Variants in SOX6 observed in about 807,000 individuals in gnomAD.
SOX6 encodes the protein SRY-box transcription factor 6, also known as transcription factor SOX-6.
SOX6 carries 11 observed loss-of-function variants against 97.8 expected under a neutral mutation model. That is an observed-to-expected ratio of 0.11 (90% CI 0.07 to 0.19). The LOEUF (loss-of-function observed/expected upper bound fraction) is 0.19, where lower values mean the gene tolerates loss of function less well. Ranked by LOEUF, SOX6 falls within the 10% of genes least tolerant of loss-of-function variation. SOX6 has a pLI of 1.00. For synonymous variants in SOX6, 360 were observed against 371.4 expected, an observed-to-expected ratio of 0.97 and a Z score of 0.35; for missense variants, 810 against 1,039.5, an observed-to-expected ratio of 0.78 and a Z score of 3.04.
In SOX6 at chr11:16,389,969, T is replaced by TAAAAAAAAAAAAAAAAAAAAAAAAAAA. The variant is rs536056301; in HGVS notation, c.-4-48744_-4-48718dup. 7.6e-4 allele frequency among the ~76,000 whole-genome samples: 32 copies of TAAAAAAAAAAAAAAAAAAAAAAAAAAA among 41,846 alleles called. 2 individuals carry two copies. Among genetic ancestry groups the TAAAAAAAAAAAAAAAAAAAAAAAAAAA allele is most frequent in the Non-Finnish European group, 1.0e-3 (25 of 24,248 alleles). The allele number at this position is 41,846 out of a possible 152,430, so 27.5% of individuals were successfully genotyped here. ...TGGGCGACAGGGCAAGACTCCGTCT[T>TAAAAAAAAAAAAAAAAAAAAAAAAAAA]AAAAAAAAAAAAAAAAAAAAAAAAA... is the stretch of plus-strand genomic sequence containing the variant. On this transcript the variant is annotated intron_variant, in intron 1 of 15. Transcript: ENST00000396356.
chr11:16,320,928 A>G (rs1454182479), intron 2 of SOX6, among the ~76,000 whole-genome samples: 1 of 152,156 alleles, frequency 6.6e-6, no homozygotes, highest in African/African-American at 2.4e-5. Flanking sequence ...GGCAGGAAAG[A>G]GAGCTCTTCT....
chr11:16,679,530 A>G (rs12280797), intron 3 of SOX6, among the ~76,000 whole-genome samples: 1,742 of 152,328 alleles, frequency 0.011, 26 homozygotes, highest in African/African-American at 0.04. Flanking sequence ...AGAAAAGCTG[A>G]AAATTCCAAA....
chr11:16,368,596 T>A (rs978448938), intron 1 of SOX6, among the ~76,000 whole-genome samples: 4 of 152,188 alleles, frequency 2.6e-5, no homozygotes, highest in African/African-American at 9.6e-5. Flanking sequence ...TTATGCTTAT[T>A]TTTAAAATTA....
At chr11:16,376,571 G>A (rs1239584300) in intron 1 of SOX6, among the ~76,000 whole-genome samples, 1 of 152,100 alleles carries the variant, frequency 6.6e-6, no homozygotes, top group African/African-American at 2.4e-5. Context: ...ATGGGTACCA[G>A]GAATACAGGA....
Position 16,303,226 on chromosome 11 carries a change from ATC to A in SOX6, c.445+15218_445+15219del, listed in dbSNP as rs1461631828. Among the ~76,000 whole-genome samples the A allele has an allele frequency of 4.6e-5, 7 of 152,288 alleles. 1 individual carries two copies. The highest frequency in any genetic ancestry group is 1.4e-4 in the African/African-American group (6 of 41,582). ...TCTCCTTTTAATCATAATATTATTT[ATC>A]TCTCTGAAAACTTTTATAATAAATC... On this transcript the variant is annotated intron_variant, in intron 3 of 15. Transcript: ENST00000683767.
At chr11:16,199,298 C>G (rs1427134418) in intron 4 of SOX6, among the ~76,000 whole-genome samples, 1 of 152,128 alleles carries the variant, frequency 6.6e-6, no homozygotes, top group Non-Finnish European at 1.5e-5. Context: ...AAAAAACATT[C>G]AATAAACACT....
At chr11:16,514,762 G>T (rs954309238) in intron 4 of SOX6, among the ~76,000 whole-genome samples, 4 of 140,768 alleles carry the variant, frequency 2.8e-5, no homozygotes, top group East Asian at 2.1e-4. Context: ...TGTTCTCATT[G>T]TTCAATTGCC....
At chr11:16,551,764 C>T (rs1011787043) in intron 4 of SOX6, among the ~76,000 whole-genome samples, 1 of 151,824 alleles carries the variant, frequency 6.6e-6, no homozygotes, top group African/African-American at 2.4e-5. Context: ...CCACCATGCC[C>T]AGCTAATTTT....
At chr11:16,556,214 T>C (rs1045136583) in intron 4 of SOX6, among the ~76,000 whole-genome samples, 3 of 151,746 alleles carry the variant, frequency 2.0e-5, no homozygotes, top group African/African-American at 7.2e-5. Context: ...ATTACAGCCA[T>C]AGCCTACAAA....
intron 2 of SOX6, among the ~76,000 whole-genome samples, chr11:16,325,901 C>T (rs761192289): frequency 2.6e-5 from 4 of 152,082 alleles, no homozygotes; most frequent in Non-Finnish European, 4.4e-5. Context: ...TCCACCCTTC[C>T]GCCATGTGAG....
At chr11:16,046,806 G>C in intron 11 of SOX6, 105 bp from the exon 12 acceptor site, 1 of 1,165,312 alleles carries the variant, frequency 8.6e-7, no homozygotes, top group South Asian at 1.3e-5. Flanking sequence ...GAACAAGGAA[G>C]GGGTGCACAT....
At chr11:16,419,536 TA>T (rs35428418) in intron 1 of SOX6, among the ~76,000 whole-genome samples, 33 of 150,946 alleles carry the variant, frequency 2.2e-4, no homozygotes, top group Admixed American at 2.0e-3. Flanking sequence ...ATTTTAAAAA[TA>T]AAAAAAAATG....
intron 1 of SOX6, among the ~76,000 whole-genome samples, chr11:16,439,187 T>C (rs1859449848): frequency 6.6e-6 from 1 of 152,194 alleles, no homozygotes. Flanking sequence ...AGAATAATTA[T>C]GCTACTATTC....
chr11:16,047,449 A>C (rs989247121), intron 11 of SOX6, among the ~76,000 whole-genome samples: 1 of 152,110 alleles, frequency 6.6e-6, no homozygotes, highest in Admixed American at 6.6e-5. Context: ...ATAACTACAA[A>C]GCTTCAAAAA....
intron 3 of SOX6, among the ~76,000 whole-genome samples, chr11:16,284,677 T>C (rs1207181406): frequency 2.0e-5 from 3 of 152,038 alleles, no homozygotes; most frequent in Non-Finnish European, 2.9e-5. Flanking sequence ...ACCAAGCAAA[T>C]GCAAATGTGT....
At chr11:16,124,738 T>G (rs948995555) in intron 6 of SOX6, among the ~76,000 whole-genome samples, 5 of 152,150 alleles carry the variant, frequency 3.3e-5, no homozygotes, top group African/African-American at 7.2e-5. Flanking sequence ...ATTCTTAGTG[T>G]GATGGAAAGT....
At chr11:16,665,893 C>T (rs1438256877) in intron 3 of SOX6, among the ~76,000 whole-genome samples, 1 of 152,176 alleles carries the variant, frequency 6.6e-6, no homozygotes, top group African/African-American at 2.4e-5. Context: ...GTGTCTCTGC[C>T]TGGTAATCCA....
intron 4 of SOX6, among the ~76,000 whole-genome samples, chr11:16,536,315 T>C (rs984848647): frequency 6.6e-6 from 1 of 152,114 alleles, no homozygotes; most frequent in Non-Finnish European, 1.5e-5. Context: ...ATAAAAATAA[T>C]GGTATAAATC....
rs922468201 is a variant in SOX6, at chr11:15,967,054, G to A, written c.*5755C>T. The stretch of plus-strand genomic sequence containing the variant: ...ACTGGACTGTACAAGATTTTTTTTT[G>A]ATAAACTATTTACATTTTCAGACTT... On this transcript the variant is annotated 3_prime_UTR_variant, in exon 16 of 16. Coordinates refer to ENST00000683767, the MANE Select transcript of SOX6 (RefSeq NM_001367873.1). The A allele has an allele frequency of 6.6e-6, 1 of 151,708 alleles. No homozygotes were observed. Among genetic ancestry groups the A allele is most frequent in the African/African-American group, 2.4e-5 (1 of 41,280 alleles). 9.4% of individuals were successfully genotyped at this position (151,708 alleles called of 1,614,324 possible). A position where few individuals can be genotyped will look rare whatever the true frequency, so the allele number is the denominator to read the frequency against.
Sources: allele counts gnomAD v4.1 joint callset (sites outside exome capture counted in the v4.1 genomes callset), GRCh38; gene constraint gnomAD v4.1.1; transcripts MANE v1.5; gene names NCBI Gene and HGNC (gene_info 2026-07-23, HGNC 2026-07-21).